EYS: variants seen among roughly 807,000 people sequenced by gnomAD.
EYS encodes the protein EGF-like photoreceptor maintenance factor.
Under a neutral mutation model 282.1 loss-of-function variants are expected in EYS, and 250 were observed. The observed-to-expected ratio is 0.89, with a 90% CI of 0.80 to 0.98. The LOEUF is 0.98. Ranked by LOEUF, EYS falls within the 50% of genes least tolerant of loss-of-function variation. The pLI is 0.00. For missense variants in EYS, 4,016 were observed against 3,709.0 expected, an observed-to-expected ratio of 1.08 and a Z score of -2.15; for synonymous variants, 1,355 against 1,282.9, an observed-to-expected ratio of 1.06 and a Z score of -1.20.
chr6:64,978,011 G>T (rs1020733780), intron 14 of EYS, among the ~76,000 whole-genome samples: 1 of 151,920 alleles, frequency 6.6e-6, no homozygotes, highest in Admixed American at 6.6e-5. Context: ...GCAAGTGACT[G>T]TAGAAGCTGC....
intron 15 of EYS, among the ~76,000 whole-genome samples, chr6:64,921,322 T>C (rs536094150): frequency 3.3e-5 from 5 of 152,260 alleles, no homozygotes; most frequent in Non-Finnish European, 5.9e-5. Flanking sequence ...TTTATTAAAA[T>C]TTAAAATTAT....
intron 26 of EYS, among the ~76,000 whole-genome samples, chr6:64,561,985 A>G (rs1765410420): frequency 6.6e-6 from 1 of 151,438 alleles, no homozygotes; most frequent in Non-Finnish European, 1.5e-5. Context: ...GCATTCTATT[A>G]CCTGACTTTA....
chr6:64,355,701 C>T (rs983525001), intron 29 of EYS, among the ~76,000 whole-genome samples: 2 of 151,534 alleles, frequency 1.3e-5, no homozygotes, highest in African/African-American at 2.4e-5. Context: ...AACTTTAATT[C>T]AAATATTTAC....
chr6:64,453,205 C>G (rs1044788707), intron 26 of EYS, among the ~76,000 whole-genome samples: 5 of 152,072 alleles, frequency 3.3e-5, no homozygotes, highest in Non-Finnish European at 5.9e-5. Context: ...AGGATATGAA[C>G]AGACACTTCT....
rs565587477 is a variant in EYS, at chr6:64,159,620, C to G, written c.6424+70972G>C. Among the ~76,000 whole-genome samples, 3 of 149,486 alleles carry G rather than the reference C, an allele frequency of 2.0e-5. No homozygotes were observed. In the South Asian group the frequency reaches 6.4e-4, roughly 32 times the overall value. ...CATATTCAGCACAGAAGAAACCACC[C>G]AGTTTTCTCCTGAATATTTTCAATT... On this transcript the variant is annotated intron_variant, in intron 31 of 42. Transcript: ENST00000503581.
chr6:65,684,770 G>C (rs1016339433), intron 1 of EYS, among the ~76,000 whole-genome samples: 1 of 151,938 alleles, frequency 6.6e-6, no homozygotes, highest in Non-Finnish European at 1.5e-5. Flanking sequence ...TGTGTCACGG[G>C]GTTTTGGTGT....
chr6:64,008,899 C>A (rs1768473641), intron 33 of EYS, among the ~76,000 whole-genome samples: 2 of 152,146 alleles, frequency 1.3e-5, no homozygotes, highest in African/African-American at 4.8e-5. Flanking sequence ...CTTTAACACA[C>A]TTTTAATGTA....
At chr6:64,132,007 C>T (rs1036954057) in intron 31 of EYS, among the ~76,000 whole-genome samples, 12 of 152,004 alleles carry the variant, frequency 7.9e-5, no homozygotes, top group Non-Finnish European at 1.5e-4. Flanking sequence ...AAATAGTATT[C>T]TCTATTTATA....
At chr6:65,126,471 C>T (rs985905614) in intron 12 of EYS, among the ~76,000 whole-genome samples, 3 of 152,100 alleles carry the variant, frequency 2.0e-5, no homozygotes, top group South Asian at 4.1e-4. Context: ...TTTTCCATCA[C>T]GTCTAATTCT....
intron 22 of EYS, among the ~76,000 whole-genome samples, chr6:64,764,850 T>C (rs1014190534): frequency 1.5e-4 from 23 of 152,188 alleles, no homozygotes; most frequent in Admixed American, 5.9e-4. Flanking sequence ...GTGATTCTCC[T>C]GCCTCAGCCT....
intron 14 of EYS, among the ~76,000 whole-genome samples, chr6:64,972,563 T>C (rs903461379): frequency 2.6e-5 from 4 of 152,094 alleles, no homozygotes; most frequent in Admixed American, 6.6e-5. Flanking sequence ...ACCTTAAAGA[T>C]GACTCAATTC....
chr6:63,930,103 C>T lies in EYS; in HGVS notation c.7055+54280G>A, dbSNP rs148795581. On this transcript the variant is annotated intron_variant, in intron 35 of 42. Coordinates refer to ENST00000503581, the MANE Select transcript of EYS (RefSeq NM_001142800.2). ...CTGTTTTCCGCCAGTTCCACCTTTA[C>T]TTCAAAAGAGTGGCTTTTACAATTC... 1.2e-4 allele frequency among the ~76,000 whole-genome samples: 19 copies of T among 152,222 alleles called. No homozygotes were observed. The East Asian group carries it at 2.9e-3, about 23-fold the overall frequency.
In EYS at chr6:65,147,549, T is replaced by C. The variant is rs535380178; in HGVS notation, c.2024-89822A>G. Among the ~76,000 whole-genome samples the C allele has an allele frequency of 2.6e-5, 4 of 152,226 alleles. No homozygotes were observed. The East Asian group carries it at 5.8e-4, about 22-fold the overall frequency. On this transcript the variant is annotated intron_variant, in intron 12 of 42. Coordinates refer to ENST00000503581, the MANE Select transcript of EYS (RefSeq NM_001142800.2). ...TATGATTACATAATGTCTCATGTCA[T>C]ATATTTAGGCCCTTTAATTCTAAAT...
At chr6:65,205,022 T>C (rs1765998831) in intron 12 of EYS, among the ~76,000 whole-genome samples, 1 of 105,644 alleles carries the variant, frequency 9.5e-6, no homozygotes, top group Non-Finnish European at 2.0e-5. Context: ...TTATATATTC[T>C]AGAAGAATAT....
intron 11 of EYS, among the ~76,000 whole-genome samples, chr6:65,326,253 T>C (rs1769616814): frequency 6.6e-6 from 1 of 151,974 alleles, no homozygotes; most frequent in South Asian, 2.1e-4. Flanking sequence ...CTCCTCATTT[T>C]AAGATATACA....
At chr6:64,081,814 A>G (rs766809446) in intron 32 of EYS, 42 bp downstream of exon 32, 1 of 1,389,958 alleles carries the variant, frequency 7.2e-7, no homozygotes, top group South Asian at 1.4e-5. Flanking sequence ...AACGTTTGAG[A>G]AAGAAACATG....
chr6:64,312,409 C>T (rs992236836), intron 29 of EYS, among the ~76,000 whole-genome samples: 6 of 152,138 alleles, frequency 3.9e-5, no homozygotes, highest in African/African-American at 1.4e-4. Flanking sequence ...ATCCCCATCT[C>T]CCTGGGACAG....
At chr6:63,923,873 C>A (rs1487927285) in intron 35 of EYS, among the ~76,000 whole-genome samples, 1 of 152,134 alleles carries the variant, frequency 6.6e-6, no homozygotes, top group Non-Finnish European at 1.5e-5. Flanking sequence ...ATAATGTAAG[C>A]CTAACCTTTA....
chr6:65,699,039 G>T (rs1221657257), intron 1 of EYS, among the ~76,000 whole-genome samples: 4 of 152,148 alleles, frequency 2.6e-5, no homozygotes, highest in Non-Finnish European at 4.4e-5. Flanking sequence ...TGCTATTCAT[G>T]AATTGGATTT....
Sources: allele counts gnomAD v4.1 joint callset (sites outside exome capture counted in the v4.1 genomes callset), GRCh38; gene constraint gnomAD v4.1.1; transcripts MANE v1.5; gene names NCBI Gene and HGNC (gene_info 2026-07-23, HGNC 2026-07-21).